ROBO1: variants seen among roughly 807,000 people sequenced by gnomAD.
ROBO1 encodes roundabout guidance receptor 1.
A neutral mutation model predicts 195.9 loss-of-function variants in ROBO1; 149 were observed. That is an observed-to-expected ratio of 0.76 (90% CI 0.67 to 0.87). The LOEUF is 0.87. Ranked by LOEUF, ROBO1 falls within the 40% of genes least tolerant of loss-of-function variation. The pLI is 0.00. For missense variants in ROBO1, 1,933 were observed against 2,068.3 expected, an observed-to-expected ratio of 0.93 and a Z score of 1.27; for synonymous variants, 816 against 733.2, an observed-to-expected ratio of 1.11 and a Z score of -1.82.
intron 16 of ROBO1, 71 bp from the exon 17 acceptor site, chr3:78,659,878 A>G: frequency 7.9e-7 from 1 of 1,267,120 alleles, no homozygotes; most frequent in Non-Finnish European, 1.1e-6. Context: ...AATTAATATC[A>G]AACCCAATAA....
At chr3:79,618,474 T>C (rs1212242366) in intron 1 of ROBO1, among the ~76,000 whole-genome samples, 2 of 152,100 alleles carry the variant, frequency 1.3e-5, no homozygotes, top group African/African-American at 2.4e-5. Flanking sequence ...CCTTGTGACA[T>C]TACTTCTCCT....
chr3:79,679,610 A>G (rs113077140), intron 1 of ROBO1, among the ~76,000 whole-genome samples: 2 of 152,182 alleles, frequency 1.3e-5, no homozygotes, highest in African/African-American at 4.8e-5. Context: ...AACAAGTAAT[A>G]TATTCAATCA....
chr3:79,129,794 T>C (rs2080291888), intron 2 of ROBO1, among the ~76,000 whole-genome samples: 1 of 152,070 alleles, frequency 6.6e-6, no homozygotes, highest in African/African-American at 2.4e-5. Context: ...GGTTTTCTTC[T>C]AGGGTTTTTA....
At chr3:78,752,839 T>G (rs1443432724) in intron 4 of ROBO1, among the ~76,000 whole-genome samples, 1 of 152,150 alleles carries the variant, frequency 6.6e-6, no homozygotes, top group African/African-American at 2.4e-5. Flanking sequence ...TTTTAAAATT[T>G]GACACTGAAT....
intron 2 of ROBO1, among the ~76,000 whole-genome samples, chr3:79,567,424 CA>C (rs1466004640): frequency 2.0e-5 from 3 of 152,156 alleles, no homozygotes; most frequent in African/African-American, 7.2e-5. Context: ...TAAACAGTAA[CA>C]TGTACATTTT....
chr3:78,686,283 G>A (rs375131976), intron 9 of ROBO1, among the ~76,000 whole-genome samples: 60 of 152,190 alleles, frequency 3.9e-4, no homozygotes, highest in East Asian at 1.9e-3. Context: ...CCGGCCGGGC[G>A]CGGTGGCTTA....
chr3:79,721,573 C>T (rs746495185), intron 1 of ROBO1, among the ~76,000 whole-genome samples: 36 of 152,292 alleles, frequency 2.4e-4, no homozygotes, highest in Middle Eastern at 3.4e-3. Flanking sequence ...TCTAGGCCCA[C>T]TTTCAAATTT....
chr3:79,534,608 T>C (rs1941785494), intron 2 of ROBO1, among the ~76,000 whole-genome samples: 1 of 152,204 alleles, frequency 6.6e-6, no homozygotes. Context: ...GTAAGAAATC[T>C]TAATCATTTC....
At chr3:79,673,958 C>T (rs945821957) in intron 1 of ROBO1, among the ~76,000 whole-genome samples, 1 of 151,958 alleles carries the variant, frequency 6.6e-6, no homozygotes, top group Non-Finnish European at 1.5e-5. Flanking sequence ...GTATTACCAA[C>T]CAAATTAAAA....
At chr3:78,922,706 T>C (rs2039010095) in intron 4 of ROBO1, among the ~76,000 whole-genome samples, 1 of 149,718 alleles carries the variant, frequency 6.7e-6, no homozygotes, top group Non-Finnish European at 1.5e-5. Flanking sequence ...GCCTCCCGGG[T>C]TCAAGCGATT....
At chr3:78,871,105 C>A (rs1464476510) in intron 4 of ROBO1, among the ~76,000 whole-genome samples, 4 of 152,156 alleles carry the variant, frequency 2.6e-5, no homozygotes, top group African/African-American at 7.2e-5. Context: ...AGAAAACCTG[C>A]ACTTGCTTGT....
chr3:79,406,072 C>G (rs1382050566), intron 2 of ROBO1, among the ~76,000 whole-genome samples: 1 of 151,934 alleles, frequency 6.6e-6, no homozygotes, highest in East Asian at 1.9e-4. Flanking sequence ...AAGAAACTTT[C>G]CTGAATAATT....
At chr3:79,529,299 TG>T (rs1191680874) in intron 2 of ROBO1, among the ~76,000 whole-genome samples, 1 of 152,066 alleles carries the variant, frequency 6.6e-6, no homozygotes, top group East Asian at 1.9e-4. Context: ...CTAGGTAGCA[TG>T]GCAAGTCCCT....
At chr3:78,900,329 AT>A (rs2037508565) in intron 4 of ROBO1, among the ~76,000 whole-genome samples, 1 of 152,204 alleles carries the variant, frequency 6.6e-6, no homozygotes, top group Admixed American at 6.5e-5. Flanking sequence ...AAAATAGAAA[AT>A]TGTGGCTAAA....
rs146522555 is a variant in ROBO1 at position 79,339,351 on chromosome 3, C to T, written c.89-213812G>A. Among the ~76,000 whole-genome samples the T allele has an allele frequency of 6.4e-3, 979 of 152,308 alleles. 15 individuals carry two copies. The highest frequency in any genetic ancestry group is 0.022 in the African/African-American group (930 of 41,570). On this transcript the variant is annotated intron_variant, in intron 2 of 30. Coordinates refer to ENST00000464233, the MANE Select transcript of ROBO1 (RefSeq NM_002941.4). ...AGCCTGCTTGATCTTCCTCATCCCTCTTACTTCTCTGGCTTTGTGTGCTGT... is the reference window on the plus strand; with the variant it reads ...AGCCTGCTTGATCTTCCTCATCCCTTTTACTTCTCTGGCTTTGTGTGCTGT...
At chr3:79,240,099 TTATTAACTATAGTCACTA>T (rs1355836822) in intron 2 of ROBO1, among the ~76,000 whole-genome samples, 2 of 152,300 alleles carry the variant, frequency 1.3e-5, no homozygotes, top group African/African-American at 2.4e-5. Context: ...GTAGTACTTG[TTATTAACTATAGTCACTA>T]TATTAACTAT....
chr3:79,467,504 T>C (rs1028736945), intron 2 of ROBO1, among the ~76,000 whole-genome samples: 1 of 150,906 alleles, frequency 6.6e-6, no homozygotes, highest in Non-Finnish European at 1.5e-5. Flanking sequence ...GGAGGCATGA[T>C]AGAGAAGGAG....
Position 78,667,972 on chromosome 3 carries a change from G to C in ROBO1, c.1877C>G (p.Pro626Arg), listed in dbSNP as rs769826872. The C allele has an allele frequency of 6.2e-7, 1 of 1,613,640 alleles. No homozygotes were observed. The highest frequency in any genetic ancestry group is 1.1e-5 in the South Asian group (1 of 91,074). ...CACAAGGAAAAGGTAAATTGCATTA[G>C]GTTTGAGTCCTTTAATGGCAGATGT... ...TETSAIKGLKPNAIYLFLVRA... is the reference protein window; with the variant it reads ...TETSAIKGLKRNAIYLFLVRA... Residue 626 changes from proline to arginine, a missense_variant, in exon 14 of 31, where the codon CCT becomes CGT. By Grantham distance (103) the Pro-to-Arg change is moderately radical. Coordinates refer to ENST00000464233, the MANE Select transcript of ROBO1 (RefSeq NM_002941.4).
chr3:78,684,543 A>G (rs1466567395), intron 10 of ROBO1, among the ~76,000 whole-genome samples: 3 of 152,108 alleles, frequency 2.0e-5, no homozygotes, highest in African/African-American at 7.2e-5. Context: ...AATCGGGAAA[A>G]TAAGAGTGGT....
Sources: gnomAD v4.1 joint callset for allele counts (sites outside exome capture counted in the v4.1 genomes callset) on GRCh38, gnomAD v4.1.1 for gene constraint, MANE v1.5 for transcripts, NCBI Gene and HGNC (gene_info 2026-07-23, HGNC 2026-07-21) for gene names.